EFL1: variants seen among roughly 807,000 people sequenced by gnomAD.
The protein encoded by EFL1 is elongation factor-like GTPase 1.
Under a neutral mutation model 126.7 loss-of-function variants are expected in EFL1, and 76 were observed. The ratio of observed to expected loss-of-function variants is 0.60; its 90% CI spans 0.50 to 0.73. The LOEUF (loss-of-function observed/expected upper bound fraction) is 0.73. Among genes scored for constraint, EFL1 ranks in the 30% least tolerant of loss-of-function variants. The pLI is 0.00. For synonymous variants in EFL1, 410 were observed against 448.4 expected, an observed-to-expected ratio of 0.91 and a Z score of 1.08; for missense variants, 1,128 against 1,343.2, an observed-to-expected ratio of 0.84 and a Z score of 2.50.
chr15:82,141,830 A>C (rs536578232), intron 18 of EFL1, among the ~76,000 whole-genome samples: 1 of 152,230 alleles, frequency 6.6e-6, no homozygotes, highest in African/African-American at 2.4e-5. Flanking sequence ...AAGCTGCCTG[A>C]CTGCTGCTGC....
intron 17 of EFL1, among the ~76,000 whole-genome samples, chr15:82,154,155 G>C (rs2073942727): frequency 6.6e-6 from 1 of 152,162 alleles, no homozygotes; most frequent in Non-Finnish European, 1.5e-5. Flanking sequence ...AGTGTGTGAT[G>C]GTTGCCACAC....
At chr15:82,172,513 T>C (rs1042714667) in intron 15 of EFL1, among the ~76,000 whole-genome samples, 4 of 152,194 alleles carry the variant, frequency 2.6e-5, no homozygotes, top group African/African-American at 9.6e-5. Context: ...CGTACAAGAA[T>C]TACCCTCTTT....
intron 15 of EFL1, among the ~76,000 whole-genome samples, chr15:82,181,572 G>A (rs1160704430): frequency 4.0e-5 from 6 of 151,882 alleles, no homozygotes; most frequent in African/African-American, 1.5e-4. Context: ...GGGAAAGTAT[G>A]GCAGCATATT....
intron 6 of EFL1, 142 bp downstream of exon 6, chr15:82,240,276 T>A: frequency 1.3e-6 from 1 of 751,602 alleles, no homozygotes; most frequent in East Asian, 2.8e-5. Context: ...TTCTATTGCC[T>A]CTCTTGTAGA....
At chr15:82,147,090 G>A (rs1026836409) in intron 18 of EFL1, among the ~76,000 whole-genome samples, 2 of 152,098 alleles carry the variant, frequency 1.3e-5, no homozygotes, top group Admixed American at 6.6e-5. Context: ...CTCAACAGGG[G>A]TGACTCAACA....
At position 82,151,651 on chromosome 15, in the gene EFL1, A is replaced by G. The variant is rs2073909361; in HGVS notation, c.2803T>C (p.Ser935Pro). The change falls in exon 18 of 20, where the codon TCT (serine) becomes CCT (proline). Residue 935 changes from serine to proline, a missense_variant. Transcript: ENST00000268206. ...NENQELQDGC[S>P]EAFEKRTSQK... is the part of the protein sequence containing the mutation. Reference sequence around the variant, plus strand: ...GATGTCCTCTTCTCAAAGGCCTCAGAGCAGCCATCTTGTAGCTCTTGGTTT... The same window carrying G: ...GATGTCCTCTTCTCAAAGGCCTCAGGGCAGCCATCTTGTAGCTCTTGGTTT... 3.7e-6 allele frequency: 6 copies of G among 1,614,192 alleles called. No homozygotes were observed. Among genetic ancestry groups the G allele is most frequent in the Non-Finnish European group, 5.1e-6 (6 of 1,180,040 alleles).
rs191356259 is a variant in EFL1 at position 82,246,765 on chromosome 15, T to C, written c.245-5362A>G. Among the ~76,000 whole-genome samples the C allele has an allele frequency of 3.3e-5, 5 of 152,158 alleles. No individual in the cohort carries two copies. The East Asian group carries it at 9.7e-4, about 29-fold the overall frequency. ...GATACAGTGGCAAGCAGGTGAGAATTCTTCTCTTTTCTGTGAAATAGAAGG... is the reference window on the plus strand; with the variant it reads ...GATACAGTGGCAAGCAGGTGAGAATCCTTCTCTTTTCTGTGAAATAGAAGG... On this transcript the variant is annotated intron_variant, in intron 4 of 19. Coordinates refer to ENST00000268206, the MANE Select transcript of EFL1 (RefSeq NM_024580.6).
chr15:82,225,806 A>G (rs967075630), intron 11 of EFL1, among the ~76,000 whole-genome samples: 16 of 152,232 alleles, frequency 1.1e-4, no homozygotes, highest in Non-Finnish European at 2.2e-4. Flanking sequence ...TTCTCCCTAA[A>G]TACACAAATT....
intron 15 of EFL1, among the ~76,000 whole-genome samples, chr15:82,190,509 C>T (rs1284459507): frequency 1.3e-5 from 2 of 152,042 alleles, no homozygotes; most frequent in East Asian, 3.9e-4. Context: ...AGGGAAGTAT[C>T]CATGTTTGTT....
Position 82,157,831 on chromosome 15 carries a change from T to A in EFL1, c.1912A>T (p.Lys638Ter). Residue 638 changes from lysine (K) to a stop codon, truncating the protein, a stop_gained, in exon 17 of 20, where the codon AAA becomes TAA. Coordinates refer to ENST00000268206, the MANE Select transcript of EFL1 (RefSeq NM_024580.6). LOFTEE classifies it high-confidence loss of function. ...SEMPQLVKGM[K>*]LLNQADPCVQ... ...CAGGGATCAGCCTGGTTTAACAGTT[T>A]CATTCCTTTTACGAGCTGAGGCATT... is the stretch of plus-strand genomic sequence containing the variant. The A allele has an allele frequency of 6.2e-7, 1 of 1,613,770 alleles. No individual in the cohort carries two copies. Among genetic ancestry groups the A allele is most frequent in the Middle Eastern group, 1.7e-4 (1 of 6,060 alleles).
intron 18 of EFL1, among the ~76,000 whole-genome samples, chr15:82,148,833 A>G (rs2073876885): frequency 6.6e-6 from 1 of 152,216 alleles, no homozygotes; most frequent in African/African-American, 2.4e-5. Context: ...CGTTCCATAA[A>G]TTGCAGACTA....
At chr15:82,248,250 C>T (rs1228173954) in intron 4 of EFL1, among the ~76,000 whole-genome samples, 3 of 152,018 alleles carry the variant, frequency 2.0e-5, no homozygotes, top group Non-Finnish European at 2.9e-5. Flanking sequence ...CATTGTCTGA[C>T]GAGAACAAAA....
chr15:82,249,057 TATAAA>T lies in EFL1; in HGVS notation c.244+3629_244+3633del, dbSNP rs369763573. Among the ~76,000 whole-genome samples the T allele has an allele frequency of 3.4e-4, 51 of 152,166 alleles. No individual in the cohort carries two copies. In the East Asian group the frequency reaches 6.9e-3, roughly 21 times the overall value. On this transcript the variant is annotated intron_variant, in intron 4 of 19. Coordinates refer to ENST00000268206, the MANE Select transcript of EFL1 (RefSeq NM_024580.6). ...TTGCATTAAATATAAAAATTGAAAA[TATAAA>T]ATAACTGGTGATGAACTGAGAGTGA...
intron 15 of EFL1, among the ~76,000 whole-genome samples, chr15:82,211,159 T>C (rs867059348): frequency 6.6e-6 from 1 of 151,982 alleles, no homozygotes; most frequent in Non-Finnish European, 1.5e-5. Flanking sequence ...AGCCAAAAGC[T>C]GGAATCCCAG....
chr15:82,160,620 T>C (rs1369020810), intron 16 of EFL1, among the ~76,000 whole-genome samples: 2 of 152,214 alleles, frequency 1.3e-5, no homozygotes, highest in Non-Finnish European at 2.9e-5. Context: ...CAAAAATTCA[T>C]ATATCTATAT....
intron 15 of EFL1, among the ~76,000 whole-genome samples, chr15:82,201,450 C>G (rs2074466809): frequency 6.6e-6 from 1 of 152,146 alleles, no homozygotes; most frequent in Admixed American, 6.6e-5. Context: ...TTTAAAAGAC[C>G]ATAATATATT....
At chr15:82,229,367 C>A (rs1017567178) in intron 8 of EFL1, among the ~76,000 whole-genome samples, 2 of 152,156 alleles carry the variant, frequency 1.3e-5, no homozygotes. Flanking sequence ...ATTACCATGG[C>A]TGCCATCAAA....
At chr15:82,242,276 T>C (rs1214197078) in intron 4 of EFL1, among the ~76,000 whole-genome samples, 5 of 149,956 alleles carry the variant, frequency 3.3e-5, no homozygotes, top group Non-Finnish European at 7.4e-5. Context: ...TTACTTTTGC[T>C]CCTCCCCTTA....
chr15:82,236,353 C>G (rs185612431), intron 7 of EFL1, among the ~76,000 whole-genome samples: 104 of 152,232 alleles, frequency 6.8e-4, no homozygotes, highest in African/African-American at 2.4e-3. Context: ...AGGCCTTGAA[C>G]AGCAAAAGAA....
Sources: allele counts gnomAD v4.1 joint callset (sites outside exome capture counted in the v4.1 genomes callset), GRCh38; gene constraint gnomAD v4.1.1; transcripts MANE v1.5; gene names NCBI Gene and HGNC (gene_info 2026-07-23, HGNC 2026-07-21).